RORC: variants seen among roughly 807,000 people sequenced by gnomAD.
The protein encoded by RORC is nuclear receptor ROR-gamma.
RORC carries 13 observed loss-of-function variants against 64.5 expected under a neutral mutation model. That is an observed-to-expected ratio of 0.20 (90% CI 0.13 to 0.32). The LOEUF is 0.32. Among genes scored for constraint, RORC ranks in the 10% least tolerant of loss-of-function variants. The pLI is 1.00. For synonymous variants in RORC, 277 were observed against 259.3 expected (o/e 1.07, Z -0.65); for missense variants, 468 against 669.5 (o/e 0.70, Z 3.32).
In RORC at chr1:151,815,243, C is replaced by A. The variant is rs1430337140; in HGVS notation, c.481G>T (p.Gly161Cys). ...GCCTCAGGCAGGTCAGGCGAGGAGCCCAGGGGCAGCTGCCCGTCTGGGAGC... is the reference window on the plus strand; with the variant it reads ...GCCTCAGGCAGGTCAGGCGAGGAGCACAGGGGCAGCTGCCCGTCTGGGAGC... ...LGLPDGQLPL[G>C]SSPDLPEASA... Residue 161 changes from glycine (G) to cysteine (C), a missense_variant, in exon 5 of 11, where the codon GGC becomes TGC. Coordinates refer to ENST00000318247, the MANE Select transcript of RORC (RefSeq NM_005060.4). The A allele has an allele frequency of 1.9e-6, 3 of 1,610,822 alleles. No individual in the cohort carries two copies. Among genetic ancestry groups the A allele is most frequent in the Non-Finnish European group, 2.5e-6 (3 of 1,177,770 alleles).
At chr1:151,810,897 TC>T (rs1651498449) in intron 10 of RORC, among the ~76,000 whole-genome samples, 1 of 152,220 alleles carries the variant, frequency 6.6e-6, no homozygotes, top group African/African-American at 2.4e-5. Flanking sequence ...AGAAAGCATG[TC>T]AGCAAAAGCA....
At chr1:151,828,198 T>C (rs1652271815) in intron 2 of RORC, among the ~76,000 whole-genome samples, 1 of 152,150 alleles carries the variant, frequency 6.6e-6, no homozygotes, top group Non-Finnish European at 1.5e-5. Context: ...AGGGAGGCTC[T>C]AGACAATTTT....
At chr1:151,811,771 C>G (rs1651544397) in intron 9 of RORC, 1 of 167,870 alleles carries the variant, frequency 6.0e-6, no homozygotes, top group Non-Finnish European at 1.3e-5. Context: ...AAGAGCTCCC[C>G]CATGTACGAA....
chr1:151,827,746 G>T (rs915827143), intron 2 of RORC, among the ~76,000 whole-genome samples: 4 of 152,310 alleles, frequency 2.6e-5, no homozygotes, highest in East Asian at 1.9e-4. Flanking sequence ...GCCGTGGAGT[G>T]GGGGAGAGGC....
Position 151,830,885 on chromosome 1 carries a change from C to T in RORC, c.40+840G>A, listed in dbSNP as rs1275232598. 2 of 1,238,384 alleles carry T rather than the reference C, an allele frequency of 1.6e-6. No individual in the cohort carries two copies. Among genetic ancestry groups the T allele is most frequent in the Non-Finnish European group, 2.1e-6 (2 of 952,688 alleles). The allele number at this position is 1,238,384 out of a possible 1,614,324, so 76.7% of individuals were successfully genotyped here. A position where few individuals can be genotyped will look rare whatever the true frequency, so the allele number is the denominator to read the frequency against. Reference sequence around the variant, plus strand: ...CACCGGCTCCTGGCCTCTAGCCTTGCACCTCAGAGCAGTCCTGTGGTGGGG... The same window carrying T: ...CACCGGCTCCTGGCCTCTAGCCTTGTACCTCAGAGCAGTCCTGTGGTGGGG... On this transcript the variant is annotated intron_variant, in intron 1 of 10. Coordinates refer to ENST00000318247, the MANE Select transcript of RORC (RefSeq NM_005060.4). This position sits in a 1 kb window ranked among gnomAD's most constrained non-coding sequence, Gnocchi z 4.0.
rs1186766793 is a variant in RORC, at chr1:151,830,359, T to C, written c.41-901A>G. Among the ~76,000 whole-genome samples, 8 of 151,182 alleles carry C rather than the reference T, an allele frequency of 5.3e-5. No homozygotes were observed. In the East Asian group the frequency reaches 1.6e-3, roughly 30 times the overall value. ...TGAGGGGAGGGCCTTAGCTGGAGCA[T>C]GGTTGGTGGGTGGGGGGGTGTCACC... On this transcript the variant is annotated intron_variant, in intron 1 of 10. Transcript: ENST00000318247. This position sits in a 1 kb window ranked among gnomAD's most constrained non-coding sequence, Gnocchi z 4.0.
At chr1:151,823,639 T>C (rs894627380) in intron 2 of RORC, among the ~76,000 whole-genome samples, 2 of 151,488 alleles carry the variant, frequency 1.3e-5, no homozygotes, top group African/African-American at 4.8e-5. Context: ...CACACCTTCA[T>C]GTTTGTTTGT....
At chr1:151,821,352 G>A (rs547421494) in intron 2 of RORC, among the ~76,000 whole-genome samples, 15 of 152,280 alleles carry the variant, frequency 9.9e-5, no homozygotes, top group African/African-American at 2.9e-4. Flanking sequence ...GAGAAACCCC[G>A]GGGTCCTCAT....
At chr1:151,819,029 C>T (rs1651882593) in intron 2 of RORC, among the ~76,000 whole-genome samples, 1 of 152,176 alleles carries the variant, frequency 6.6e-6, no homozygotes, top group South Asian at 2.1e-4. Context: ...CTCACCCAAC[C>T]CCCAGCCACA....
At chr1:151,820,712 C>G (rs1235138874) in intron 2 of RORC, among the ~76,000 whole-genome samples, 1 of 152,228 alleles carries the variant, frequency 6.6e-6, no homozygotes, top group Non-Finnish European at 1.5e-5. Flanking sequence ...CTTAAGTCAT[C>G]TAATGACTGA....
Position 151,811,434 on chromosome 1 carries a change from T to A in RORC, c.1286A>T (p.His429Leu), listed in dbSNP as rs781505074. The change falls in exon 10 of 11, where the codon CAT (histidine) becomes CTT (leucine). Residue 429 changes from histidine to leucine, a missense_variant and splice_region_variant. By Grantham distance (99) the His-to-Leu change is moderately conservative. This residue lies in a region of RORC where 93 missense variants were observed against 116.6 expected (regional missense o/e 0.80). Transcript: ENST00000318247. ...CCTTTTCTCTTGGAGCCCTGGCCGA[T>A]CTGGAGGAGGGGGTGGGACCGTAAT... is the stretch of plus-strand genomic sequence containing the variant. ...LYTALVLINAHRPGLQEKRKV... is the reference protein window; with the variant it reads ...LYTALVLINALRPGLQEKRKV... 1 of 1,599,784 alleles carries A rather than the reference T, an allele frequency of 6.3e-7. No homozygotes were observed. Among genetic ancestry groups the A allele is most frequent in the African/African-American group, 1.3e-5 (1 of 74,734 alleles).
At chr1:151,814,816 C>T in intron 5 of RORC, 97 bp downstream of exon 5, 1 of 1,539,924 alleles carries the variant, frequency 6.5e-7, no homozygotes, top group South Asian at 1.2e-5. Context: ...TCGTCTGGAC[C>T]CCTCAATTCC....
intron 3 of RORC, 49 bp downstream of exon 3, chr1:151,817,138 GCGCGCGCT>G (rs2101662236): frequency 9.4e-5 from 102 of 1,089,726 alleles, no homozygotes; most frequent in African/African-American, 2.0e-4. Context: ...GTGTGCGCGC[GCGCGCGCT>G]TGTGTATGCA....
Position 151,831,758 on chromosome 1 carries a change from T to C in RORC, c.7A>G (p.Arg3Gly). The C allele has an allele frequency of 6.2e-7, 1 of 1,608,454 alleles. No individual in the cohort carries two copies. The highest frequency in any genetic ancestry group is 2.2e-5 in the East Asian group (1 of 44,864). Reference protein sequence around the residue: MDRAPQRQHRASR... With the variant: MDGAPQRQHRASR... The stretch of plus-strand genomic sequence containing the variant: ...GCTCGGTGCTGTCTCTGTGGGGCCC[T>C]GTCCATGGGGCAGCTCCCTTGGTGC... The change falls in exon 1 of 11, where the codon AGG becomes GGG. Residue 3 changes from arginine to glycine, a missense_variant. Around this residue, in one of 5 missense-constraint regions of RORC, gnomAD observed 21 missense variants for 20.6 expected, o/e 1.02. Coordinates refer to ENST00000318247, the MANE Select transcript of RORC (RefSeq NM_005060.4).
chr1:151,816,571 G>A lies in RORC; in HGVS notation c.298+93C>T, dbSNP rs563326669. 536 of 1,309,554 alleles carry A rather than the reference G, an allele frequency of 4.1e-4. 2 individuals carry two copies. The highest frequency in any genetic ancestry group is 7.3e-5 in the Admixed American group (3 of 40,916). 81.1% of individuals were successfully genotyped at this position (1,309,554 alleles called of 1,614,324 possible). ...TGGAGAGGAGACCAGAGGATGGGCC[G>A]TCTTGCAGGTTAAGCCTTGTCTAGC... On this transcript the variant is annotated intron_variant, in intron 4 of 10. Coordinates refer to ENST00000318247, the MANE Select transcript of RORC (RefSeq NM_005060.4).
intron 10 of RORC, among the ~76,000 whole-genome samples, chr1:151,809,680 C>T (rs1285862729): frequency 6.6e-6 from 1 of 152,186 alleles, no homozygotes; most frequent in Non-Finnish European, 1.5e-5. Flanking sequence ...CTCCCAGATT[C>T]CTGTCTCTCC....
At chr1:151,811,563 T>C in intron 9 of RORC, 129 bp from the exon 10 acceptor site, 1 of 549,950 alleles carries the variant, frequency 1.8e-6, no homozygotes, top group Non-Finnish European at 3.3e-6. Flanking sequence ...TGCATGTGTG[T>C]GCCTTGGTTT....
In RORC at chr1:151,815,786, C is replaced by T. The variant is rs200403254; in HGVS notation, c.299-361G>A. Among the ~76,000 whole-genome samples, 12 of 152,270 alleles carry T rather than the reference C, an allele frequency of 7.9e-5. No individual in the cohort carries two copies. In the East Asian group the frequency reaches 1.2e-3, roughly 15 times the overall value. On this transcript the variant is annotated intron_variant, in intron 4 of 10. Coordinates refer to ENST00000318247, the MANE Select transcript of RORC (RefSeq NM_005060.4). ...GCCTCAAGCTGTATTGGGGTCACCT[C>T]GCCTCTTTGGGAGGGTCGGAGGAAG...
chr1:151,830,885 C>G lies in RORC; in HGVS notation c.40+840G>C, dbSNP rs1275232598. 5 of 1,238,266 alleles carry G rather than the reference C, an allele frequency of 4.0e-6. No individual in the cohort carries two copies. The East Asian group carries it at 3.0e-4, about 74-fold the overall frequency. The allele number at this position is 1,238,266 out of a possible 1,614,324, so 76.7% of individuals were successfully genotyped here. ...CACCGGCTCCTGGCCTCTAGCCTTG[C>G]ACCTCAGAGCAGTCCTGTGGTGGGG... On this transcript the variant is annotated intron_variant, in intron 1 of 10. Coordinates refer to ENST00000318247, the MANE Select transcript of RORC (RefSeq NM_005060.4). This position sits in a 1 kb window ranked among gnomAD's most constrained non-coding sequence, Gnocchi z 4.0.
Sources: allele counts gnomAD v4.1 joint callset (sites outside exome capture counted in the v4.1 genomes callset), GRCh38; gene constraint gnomAD v4.1.1; regional missense constraint gnomAD v4.1.1; non-coding constraint Gnocchi (gnomAD v3.1); transcripts MANE v1.5; gene names NCBI Gene and HGNC (gene_info 2026-07-23, HGNC 2026-07-21).